DSTYK: variants seen among roughly 807,000 people sequenced by gnomAD.
DSTYK encodes RIP-homologous kinase.
In DSTYK, 34 loss-of-function variants were observed where a neutral mutation model predicts 98.7. The observed-to-expected ratio is 0.34, with a 90% CI of 0.26 to 0.46. The LOEUF is 0.46. Ranked by LOEUF, DSTYK falls within the 20% of genes least tolerant of loss-of-function variation. DSTYK has a pLI of 1.00. For synonymous variants in DSTYK, 462 were observed against 457.3 expected, an observed-to-expected ratio of 1.01 and a Z score of -0.13; for missense variants, 962 against 1,181.7, an observed-to-expected ratio of 0.81 and a Z score of 2.73.
rs1657159891 is a variant in DSTYK, at chr1:205,144,370, C to A, written c.*3188G>T. 1 of 152,638 alleles carries A rather than the reference C, an allele frequency of 6.6e-6. No individual in the cohort carries two copies. The highest frequency in any genetic ancestry group is 6.5e-5 in the Admixed American group (1 of 15,278). The allele number at this position is 152,638 out of a possible 1,614,324, so 9.5% of individuals were successfully genotyped here. Reference sequence around the variant, plus strand: ...CCTCACCACTTGGGAACACATACAACCAAAGCTGGGAGGTAAAATCTTTAG... The same window carrying A: ...CCTCACCACTTGGGAACACATACAAACAAAGCTGGGAGGTAAAATCTTTAG... On this transcript the variant is annotated 3_prime_UTR_variant, in exon 13 of 13. Coordinates refer to ENST00000367162, the MANE Select transcript of DSTYK (RefSeq NM_015375.3).
Position 205,153,224 on chromosome 1 carries a change from G to C in DSTYK, c.2353-2430C>G, listed in dbSNP as rs143078296. ...GCTGTCATCTTTATAAATCATTTAA[G>C]TATTGCCAGAAACAACTTAATGATA... is the stretch of plus-strand genomic sequence containing the variant. On this transcript the variant is annotated intron_variant, in intron 10 of 12. Transcript: ENST00000367162. Among the ~76,000 whole-genome samples the C allele has an allele frequency of 1.7e-3, 259 of 152,246 alleles. 1 individual carries two copies. The highest frequency in any genetic ancestry group is 3.4e-3 in the Middle Eastern group (1 of 294).
Position 205,169,934 on chromosome 1 carries a change from A to C in DSTYK, c.655-102T>G. ...GACCAAAATCCTGATCTACAATGGA[A>C]CAATTGGACTTCGGTACCCCAGCCA... On this transcript the variant is annotated intron_variant, in intron 2 of 12. Coordinates refer to ENST00000367162, the MANE Select transcript of DSTYK (RefSeq NM_015375.3). The surrounding 1 kb of genome is among the most constrained non-coding windows in gnomAD (Gnocchi z 4.0). 1 of 1,129,926 alleles carries C rather than the reference A, an allele frequency of 8.9e-7. No individual in the cohort carries two copies. Among genetic ancestry groups the C allele is most frequent in the African/African-American group, 1.6e-5 (1 of 64,360 alleles). 70.0% of individuals were successfully genotyped at this position (1,129,926 alleles called of 1,614,324 possible).
intron 7 of DSTYK, among the ~76,000 whole-genome samples, chr1:205,160,522 GACGGGGTTTTGCC>G (rs200792889): frequency 0.014 from 2,115 of 152,026 alleles, 39 homozygotes; most frequent in African/African-American, 0.048. Flanking sequence ...TTTTATTAGA[GACGGGGTTTTGCC>G]ACATTGCCCA....
intron 2 of DSTYK, among the ~76,000 whole-genome samples, chr1:205,182,606 G>C (rs1658444783): frequency 6.6e-6 from 1 of 150,664 alleles, no homozygotes; most frequent in African/African-American, 2.4e-5. Context: ...AGGAGTTCGA[G>C]ACCAGCCTGG....
chr1:205,187,843 A>AGTAGAGAGAGAGGAGTGAGGAAGG, intron 1 of DSTYK, 37 bp from the exon 2 acceptor site: 1 of 1,541,070 alleles, frequency 6.5e-7, no homozygotes, highest in Non-Finnish European at 8.8e-7. Flanking sequence ...AAGAGAAAGG[A>AGTAGAGAGAGAGGAGTGAGGAAGG]GTAGAGAGAG....
At chr1:205,199,326 G>A (rs1054279905) in intron 1 of DSTYK, among the ~76,000 whole-genome samples, 3 of 152,202 alleles carry the variant, frequency 2.0e-5, no homozygotes, top group Non-Finnish European at 2.9e-5. Flanking sequence ...CACACTGCCT[G>A]TGATGGGCAC....
intron 1 of DSTYK, among the ~76,000 whole-genome samples, chr1:205,200,716 T>C (rs1321286288): frequency 1.3e-5 from 2 of 152,168 alleles, no homozygotes; most frequent in East Asian, 1.9e-4. Flanking sequence ...GAGTCAGGCA[T>C]TAAATAAAGG....
At chr1:205,177,198 C>G (rs1385775269) in intron 2 of DSTYK, among the ~76,000 whole-genome samples, 1 of 152,076 alleles carries the variant, frequency 6.6e-6, no homozygotes, top group East Asian at 1.9e-4. Context: ...CAGAGTGAGA[C>G]CCTATTTCTA....
In DSTYK at chr1:205,160,182, G is replaced by A. The variant is rs1268492147; in HGVS notation, c.2037C>T (p.Ala679=). Residue 679 remains alanine (A), a synonymous_variant, in exon 8 of 13, where the codon GCC becomes GCT. Coordinates refer to ENST00000367162, the MANE Select transcript of DSTYK (RefSeq NM_015375.3). ...CDNWGGHFPC[A]LKSVVPPDEK... Reference sequence around the variant, plus strand: ...CATCTGGAGGGACAACTGATTTGAGGGCACAAGGGAAGTGTCCTCCCCAGT... The same window carrying A: ...CATCTGGAGGGACAACTGATTTGAGAGCACAAGGGAAGTGTCCTCCCCAGT... 1 of 1,614,072 alleles carries A rather than the reference G, an allele frequency of 6.2e-7. No homozygotes were observed.
chr1:205,161,942 A>ACACG, intron 6 of DSTYK, 94 bp downstream of exon 6: 1 of 1,236,754 alleles, frequency 8.1e-7, no homozygotes, highest in Non-Finnish European at 1.1e-6. Flanking sequence ...ACACACACAC[A>ACACG]TATTATATAT....
chr1:205,187,841 GGAGTA>G (rs1196375357), intron 1 of DSTYK, 35 bp from the exon 2 acceptor site: 1 of 1,545,728 alleles, frequency 6.5e-7, no homozygotes, highest in East Asian at 2.3e-5. Flanking sequence ...GGAAGAGAAA[GGAGTA>G]GAGAGAGAGG....
At chr1:205,208,518 G>A (rs2102489854) in intron 1 of DSTYK, among the ~76,000 whole-genome samples, 1 of 152,232 alleles carries the variant, frequency 6.6e-6, no homozygotes, top group East Asian at 1.9e-4. Context: ...GGTTTGTTAG[G>A]GTAAGAATTG....
intron 9 of DSTYK, among the ~76,000 whole-genome samples, chr1:205,157,745 G>A (rs1226362601): frequency 2.9e-5 from 4 of 140,286 alleles, no homozygotes; most frequent in Non-Finnish European, 6.1e-5. Flanking sequence ...CTGGGTGACA[G>A]AGCAAGACTC....
chr1:205,197,418 TAAC>T (rs1658899673), intron 1 of DSTYK, among the ~76,000 whole-genome samples: 1 of 152,178 alleles, frequency 6.6e-6, no homozygotes, highest in African/African-American at 2.4e-5. Flanking sequence ...ATGAAAATGT[TAAC>T]AACTAGAAAA....
intron 1 of DSTYK, among the ~76,000 whole-genome samples, chr1:205,208,028 C>A (rs1357488737): frequency 6.6e-6 from 1 of 151,868 alleles, no homozygotes; most frequent in Non-Finnish European, 1.5e-5. Flanking sequence ...CAGGCATGTG[C>A]CACCATGCCC....
At chr1:205,201,704 C>T (rs1319902169) in intron 1 of DSTYK, among the ~76,000 whole-genome samples, 1 of 152,164 alleles carries the variant, frequency 6.6e-6, no homozygotes, top group Non-Finnish European at 1.5e-5. Context: ...AAAACATACT[C>T]TTTACCCTTA....
Position 205,170,094 on chromosome 1 carries a change from T to G in DSTYK, c.655-262A>C, listed in dbSNP as rs538358879. ...TTTAGCCATCAGATTAAAAAAAAAT[T>G]TTGGTCTCTGCCTTCCTTTATTGCT... On this transcript the variant is annotated intron_variant, in intron 2 of 12. Transcript: ENST00000367162. Among the ~76,000 whole-genome samples, 6 of 152,182 alleles carry G rather than the reference T, an allele frequency of 3.9e-5. No individual in the cohort carries two copies. The East Asian group carries it at 1.2e-3, about 29-fold the overall frequency.
chr1:205,159,615 C>G lies in DSTYK; in HGVS notation c.2170G>C (p.Gly724Arg). The G allele has an allele frequency of 6.2e-7, 1 of 1,613,820 alleles. No homozygotes were observed. The highest frequency in any genetic ancestry group is 8.5e-7 in the Non-Finnish European group (1 of 1,179,976). ...AGGAGCACAGCAATGCTGGAGCCAC[C>G]ACCATAGTTGTAGTCAATGACTGAA... The part of the protein sequence containing the change: ...HGSVIDYNYG[G>R]GSSIAVLLIM... The change falls in exon 9 of 13, where the codon GGT becomes CGT. Residue 724 changes from glycine (G) to arginine (R), a missense_variant. Coordinates refer to ENST00000367162, the MANE Select transcript of DSTYK (RefSeq NM_015375.3).
intron 1 of DSTYK, 121 bp downstream of exon 1, chr1:205,211,150 C>G: frequency 7.2e-7 from 1 of 1,394,488 alleles, no homozygotes. Flanking sequence ...CCCGGCCACA[C>G]GACACGACTG....
Sources: allele counts gnomAD v4.1 joint callset (sites outside exome capture counted in the v4.1 genomes callset), GRCh38; gene constraint gnomAD v4.1.1; non-coding constraint Gnocchi (gnomAD v3.1); transcripts MANE v1.5; gene names NCBI Gene and HGNC (gene_info 2026-07-23, HGNC 2026-07-21).